GPR35: variants seen among roughly 807,000 people sequenced by gnomAD.
GPR35 encodes KYNA receptor.
For missense variants in GPR35, 372 were observed against 422.5 expected, an observed-to-expected ratio of 0.88 and a Z score of 1.05; for synonymous variants, 207 against 198.4, an observed-to-expected ratio of 1.04 and a Z score of -0.36.
Position 240,631,214 on chromosome 2 carries a change from T to G in GPR35, c.*332T>G. ...GTGCAGCCTTGATGACACCTGCCGC[T>G]GCCCCTCGGGGCTGGAATAAAACTC... On this transcript the variant is annotated 3_prime_UTR_variant, in exon 2 of 2. Transcript: ENST00000407714. The G allele has an allele frequency of 2.9e-6, 1 of 345,062 alleles. No homozygotes were observed. The highest frequency in any genetic ancestry group is 5.6e-6 in the Non-Finnish European group (1 of 179,148). 21.4% of individuals were successfully genotyped at this position (345,062 alleles called of 1,614,324 possible).
At position 240,616,302 on chromosome 2, in the gene GPR35, A is replaced by T. The variant is rs1314528861; in HGVS notation, c.-576-86A>T. 3 of 670,924 alleles carry T rather than the reference A, an allele frequency of 4.5e-6. No homozygotes were observed. In the East Asian group the frequency reaches 7.6e-5, roughly 17 times the overall value. 41.6% of individuals were successfully genotyped at this position (670,924 alleles called of 1,614,324 possible). A position where few individuals can be genotyped will look rare whatever the true frequency, so the allele number is the denominator to read the frequency against. On this transcript the variant is annotated intron_variant, in intron 2 of 5. Coordinates refer to the GPR35 transcript ENST00000319838. ...CGACAGCAGTGGCTCCACAGGATGC[A>T]TACGAGGTCCCCGCGGTCCCGGCCG...
upstream of GPR35, among the ~76,000 whole-genome samples, chr2:240,622,843 A>C (rs1234221145): frequency 6.6e-6 from 1 of 152,156 alleles, no homozygotes; most frequent in Non-Finnish European, 1.5e-5. Context: ...CCAGGAGCAG[A>C]GGCTGGGGGC....
intron 3 of GPR35, chr2:240,616,889 T>C (rs894775807): frequency 4.0e-6 from 3 of 744,200 alleles, no homozygotes; most frequent in Non-Finnish European, 7.5e-6. Flanking sequence ...TGAAGAGGCA[T>C]GGCCAGTAAG....
At position 240,631,050 on chromosome 2, in the gene GPR35, G is replaced by C; in HGVS notation, c.*168G>C. 1.6e-6 allele frequency: 1 copy of C among 630,372 alleles called. No homozygotes were observed. The highest frequency in any genetic ancestry group is 2.9e-6 in the Non-Finnish European group (1 of 350,804). 39.0% of individuals were successfully genotyped at this position (630,372 alleles called of 1,614,324 possible). A position where few individuals can be genotyped will look rare whatever the true frequency, so the allele number is the denominator to read the frequency against. ...GACGGCCCAGGTACCTGCTCTCTTG[G>C]GAAGAGAGAGGGACAGGGACAAGGG... On this transcript the variant is annotated 3_prime_UTR_variant, in exon 2 of 2. Transcript: ENST00000407714.
At chr2:240,619,451 G>A (rs943256156) in intron 5 of GPR35, among the ~76,000 whole-genome samples, 1 of 152,220 alleles carries the variant, frequency 6.6e-6, no homozygotes, top group South Asian at 2.1e-4. Context: ...GCAAAAGAAC[G>A]GGAGTGAGAA....
At chr2:240,617,401 T>A (rs192280411) in intron 4 of GPR35, 221 of 615,000 alleles carry the variant, frequency 3.6e-4, no homozygotes, top group African/African-American at 3.3e-3. Flanking sequence ...GAGGTAATTT[T>A]TTTGTGTAGC....
At chr2:240,609,964 C>CTTTTT (rs879882240) in intron 2 of GPR35, among the ~76,000 whole-genome samples, 1 of 144,580 alleles carries the variant, frequency 6.9e-6, no homozygotes, top group Non-Finnish European at 1.5e-5. Flanking sequence ...ATGAAATATC[C>CTTTTT]TTTTTTTTTT....
At chr2:240,608,256 T>A (rs1398648219) in intron 2 of GPR35, among the ~76,000 whole-genome samples, 2 of 152,226 alleles carry the variant, frequency 1.3e-5, no homozygotes, top group African/African-American at 4.8e-5. Context: ...TCCTTTTCTA[T>A]CTGCTTTTTT....
In GPR35 at chr2:240,632,436, G is replaced by A. The variant is rs1353578369; in HGVS notation, c.*1554G>A. ...TCATGCCCAGGAGTGTCCCTGCCTA[G>A]GAAGATCCATTACCAGAAGGGCCCA... On this transcript the variant is annotated 3_prime_UTR_variant, in exon 2 of 2. Transcript: ENST00000407714. 6.6e-6 allele frequency among the ~76,000 whole-genome samples: 1 copy of A among 150,820 alleles called. No homozygotes were observed. The highest frequency in any genetic ancestry group is 2.0e-4 in the East Asian group (1 of 5,064).
intron 1 of GPR35, among the ~76,000 whole-genome samples, chr2:240,626,369 T>C (rs199713140): frequency 3.6e-4 from 9 of 25,348 alleles, no homozygotes; most frequent in East Asian, 1.5e-3. Flanking sequence ...GGTCTCAGAG[T>C]GGGGTGAGGC....
At chr2:240,609,875 A>AT (rs1559432337) in intron 2 of GPR35, among the ~76,000 whole-genome samples, 1 of 151,530 alleles carries the variant, frequency 6.6e-6, no homozygotes, top group East Asian at 1.9e-4. Flanking sequence ...AGCTTCCTTC[A>AT]TTTTTTGGAT....
chr2:240,607,695 A>G (rs2043148722), intron 2 of GPR35, among the ~76,000 whole-genome samples: 3 of 152,148 alleles, frequency 2.0e-5, no homozygotes, highest in Admixed American at 1.3e-4. Context: ...AACCTTGATA[A>G]TGCATTTATT....
intron 2 of GPR35, among the ~76,000 whole-genome samples, chr2:240,616,170 G>A (rs374070904): frequency 5.3e-5 from 8 of 152,262 alleles, no homozygotes; most frequent in Admixed American, 3.9e-4. Context: ...AAAATGGGAC[G>A]TAGAGGAGCC....
intron 5 of GPR35, chr2:240,619,151 C>T (rs758963528): frequency 1.3e-4 from 76 of 578,440 alleles, no homozygotes; most frequent in Non-Finnish European, 2.1e-4. Context: ...GATCAGTGAT[C>T]AATGGGTGAT....
At chr2:240,629,924 C>T in intron 1 of GPR35, 25 bp from the exon 2 acceptor site, 3 of 1,574,156 alleles carry the variant, frequency 1.9e-6, no homozygotes, top group Non-Finnish European at 2.6e-6. Flanking sequence ...TCTCTGCTGA[C>T]CTCCGGCTCC....
At chr2:240,615,144 C>T (rs188824706) in intron 2 of GPR35, among the ~76,000 whole-genome samples, 77 of 152,058 alleles carry the variant, frequency 5.1e-4, no homozygotes, top group Middle Eastern at 3.4e-3. Flanking sequence ...TACACATACA[C>T]GTGGACAGGC....
intron 4 of GPR35, chr2:240,618,810 C>CT (rs2043263924): frequency 5.6e-6 from 3 of 533,234 alleles, no homozygotes; most frequent in South Asian, 5.3e-5. Flanking sequence ...CATAAACATG[C>CT]TTTTTTTCAT....
At position 240,632,343 on chromosome 2, in the gene GPR35, G is replaced by T. The variant is rs142677828; in HGVS notation, c.*1461G>T. Among the ~76,000 whole-genome samples, 20 of 152,002 alleles carry T rather than the reference G, an allele frequency of 1.3e-4. No individual in the cohort carries two copies. The East Asian group carries it at 3.9e-3, about 30-fold the overall frequency. On this transcript the variant is annotated 3_prime_UTR_variant, in exon 2 of 2. Coordinates refer to ENST00000407714, the MANE Select transcript of GPR35 (RefSeq NM_005301.5). ...TGCTCAGGAGGATACATGTCCAGGA[G>T]TGTCCCTGTCCAGGAGGCTCCATGC...
chr2:240,613,609 T>A (rs2043207369), intron 2 of GPR35, among the ~76,000 whole-genome samples: 1 of 151,964 alleles, frequency 6.6e-6, no homozygotes, highest in Non-Finnish European at 1.5e-5. Flanking sequence ...GAACCGAACC[T>A]AACTCGAACC....
Sources: gnomAD v4.1 joint callset for allele counts (sites outside exome capture counted in the v4.1 genomes callset) on GRCh38, gnomAD v4.1.1 for gene constraint, MANE v1.5 for transcripts, NCBI Gene and HGNC (gene_info 2026-07-23, HGNC 2026-07-21) for gene names.